VPS54: variants seen among roughly 807,000 people sequenced by gnomAD.
VPS54 encodes vacuolar protein sorting-associated protein 54.
In VPS54, 45 loss-of-function variants were observed where a neutral mutation model predicts 121.5. The observed-to-expected ratio is 0.37, with a 90% CI of 0.29 to 0.47. The LOEUF is 0.47. Ranked by LOEUF, VPS54 falls within the 20% of genes least tolerant of loss-of-function variation. The pLI is 0.99. For synonymous variants in VPS54, 371 were observed against 385.8 expected (o/e 0.96, Z 0.45); for missense variants, 1,090 against 1,131.4 (o/e 0.96, Z 0.52).
At chr2:63,907,928 C>A (rs1672975751) in intron 20 of VPS54, among the ~76,000 whole-genome samples, 1 of 152,094 alleles carries the variant, frequency 6.6e-6, no homozygotes, top group Non-Finnish European at 1.5e-5. Context: ...GTGAAGAGCA[C>A]CTGGAACTCT....
chr2:63,912,449 A>T, intron 19 of VPS54, 24 bp from the exon 20 acceptor site: 2 of 1,611,580 alleles, frequency 1.2e-6, no homozygotes, highest in Non-Finnish European at 1.7e-6. Flanking sequence ...TGATAATTGT[A>T]TTTTTAAGTC....
chr2:63,968,129 C>T (rs941305744), intron 5 of VPS54, among the ~76,000 whole-genome samples: 3 of 152,028 alleles, frequency 2.0e-5, no homozygotes, highest in African/African-American at 7.2e-5. Flanking sequence ...CTCTTTCTTA[C>T]CCTAAAGAAC....
At chr2:63,979,899 T>C (rs1676730204) in intron 3 of VPS54, among the ~76,000 whole-genome samples, 1 of 152,136 alleles carries the variant, frequency 6.6e-6, no homozygotes, top group South Asian at 2.1e-4. Context: ...ACCTAGAATA[T>C]AGTCTATGTC....
chr2:63,906,469 C>A (rs890249181), intron 20 of VPS54, among the ~76,000 whole-genome samples: 2 of 152,120 alleles, frequency 1.3e-5, no homozygotes, highest in Non-Finnish European at 2.9e-5. Flanking sequence ...TGTGCATTAT[C>A]TGTTTACTGA....
intron 11 of VPS54, 26 bp downstream of exon 11, chr2:63,942,439 C>G (rs1674786807): frequency 1.3e-6 from 2 of 1,506,832 alleles, no homozygotes; most frequent in South Asian, 2.6e-5. Context: ...TAGGGATATT[C>G]TAGACAAACT....
At chr2:63,896,525 G>C (rs576291455) in intron 22 of VPS54, among the ~76,000 whole-genome samples, 15 of 152,190 alleles carry the variant, frequency 9.9e-5, no homozygotes, top group African/African-American at 3.6e-4. Context: ...CAGATAATAA[G>C]ACTATCATTC....
At chr2:63,959,431 A>C (rs2104554316) in intron 7 of VPS54, among the ~76,000 whole-genome samples, 1 of 152,324 alleles carries the variant, frequency 6.6e-6, no homozygotes. Flanking sequence ...CCAAACTTTT[A>C]AACAGTTATA....
At chr2:63,911,240 G>C (rs1673135799) in intron 20 of VPS54, among the ~76,000 whole-genome samples, 1 of 152,094 alleles carries the variant, frequency 6.6e-6, no homozygotes, top group Non-Finnish European at 1.5e-5. Flanking sequence ...AGAAAATAAA[G>C]CATCTCTAAA....
chr2:63,941,587 T>A (rs1013789057), intron 11 of VPS54, among the ~76,000 whole-genome samples: 4 of 152,074 alleles, frequency 2.6e-5, no homozygotes, highest in Non-Finnish European at 4.4e-5. Context: ...TGTATTAGAG[T>A]CTGACATCTT....
chr2:63,907,518 CAAA>C (rs113824223), intron 20 of VPS54, among the ~76,000 whole-genome samples: 8 of 89,480 alleles, frequency 8.9e-5, no homozygotes, highest in Non-Finnish European at 8.7e-5. Flanking sequence ...AACTCCATCT[CAAA>C]AAAAAAAAAA....
rs981819712 is a variant in VPS54, at chr2:64,019,206, A to T, written c.-289T>A. 1 of 151,028 alleles carries T rather than the reference A, an allele frequency of 6.6e-6. No homozygotes were observed. Among genetic ancestry groups the T allele is most frequent in the Non-Finnish European group, 1.5e-5 (1 of 67,802 alleles). The allele number at this position is 151,028 out of a possible 1,614,324, so 9.4% of individuals were successfully genotyped here. On this transcript the variant is annotated 5_prime_UTR_variant, in exon 1 of 23. Transcript: ENST00000272322. ...TCTCCCGGGTGTCCTGTCAGCCAGC[A>T]GTTTCCCCCGGGTCCGCAGCGCCGC...
At chr2:64,001,303 T>C (rs890441819) in intron 1 of VPS54, among the ~76,000 whole-genome samples, 3 of 152,276 alleles carry the variant, frequency 2.0e-5, no homozygotes, top group African/African-American at 7.2e-5. Context: ...GGTCCAGAAA[T>C]GCTGTCCAAG....
At chr2:63,939,662 C>CA (rs1057029430) in intron 11 of VPS54, among the ~76,000 whole-genome samples, 11 of 151,932 alleles carry the variant, frequency 7.2e-5, no homozygotes, top group African/African-American at 2.7e-4. Flanking sequence ...AGAAAACCAC[C>CA]AAAAAACCCC....
At chr2:63,974,874 G>T (rs1676451708) in intron 3 of VPS54, 1 of 1,203,648 alleles carries the variant, frequency 8.3e-7, no homozygotes. Flanking sequence ...ATTTCATCTG[G>T]AAACAGTTTT....
chr2:63,940,795 A>G (rs144229686), intron 11 of VPS54, among the ~76,000 whole-genome samples: 2 of 152,378 alleles, frequency 1.3e-5, no homozygotes, highest in East Asian at 1.9e-4. Context: ...ATAACTAGAC[A>G]TGCAATAATT....
At chr2:63,938,852 A>G (rs147801670) in intron 11 of VPS54, among the ~76,000 whole-genome samples, 2 of 152,344 alleles carry the variant, frequency 1.3e-5, no homozygotes, top group South Asian at 2.1e-4. Context: ...GTAGCACAAT[A>G]GTGCAAATGA....
chr2:64,011,508 G>C (rs890064385), intron 1 of VPS54, among the ~76,000 whole-genome samples: 3 of 152,284 alleles, frequency 2.0e-5, no homozygotes, highest in Non-Finnish European at 4.4e-5. Flanking sequence ...GGAGGTTGCA[G>C]TGAGCCGTGA....
chr2:64,005,562 T>C (rs1234415073), intron 1 of VPS54, among the ~76,000 whole-genome samples: 1 of 152,234 alleles, frequency 6.6e-6, no homozygotes, highest in Non-Finnish European at 1.5e-5. Context: ...CTGTCCATAC[T>C]GTATCCATGA....
At chr2:63,984,956 G>A (rs536402052) in intron 1 of VPS54, among the ~76,000 whole-genome samples, 1 of 152,156 alleles carries the variant, frequency 6.6e-6, no homozygotes, top group African/African-American at 2.4e-5. Context: ...GGTTTAACAA[G>A]TCTAAAAAAA....
Sources: allele counts gnomAD v4.1 joint callset (sites outside exome capture counted in the v4.1 genomes callset), GRCh38; gene constraint gnomAD v4.1.1; transcripts MANE v1.5; gene names NCBI Gene and HGNC (gene_info 2026-07-23, HGNC 2026-07-21).